Variants in CCDC144A observed in about 807,000 individuals in gnomAD.
The protein encoded by CCDC144A is coiled-coil domain-containing protein 144A.
In CCDC144A, 41 loss-of-function variants were observed where a neutral mutation model predicts 143.8. The observed-to-expected ratio is 0.29, with a 90% CI of 0.22 to 0.37. The LOEUF is 0.37. CCDC144A is among the 10% of genes least tolerant of loss of function. The pLI is 1.00. For missense variants in CCDC144A, 637 were observed against 1,488.8 expected, an observed-to-expected ratio of 0.43 and a Z score of 9.41; for synonymous variants, 242 against 517.9, an observed-to-expected ratio of 0.47 and a Z score of 7.23.
chr17:16,744,232 C>T (rs1011260319), intron 12 of CCDC144A, among the ~76,000 whole-genome samples: 2 of 152,158 alleles, frequency 1.3e-5, no homozygotes, highest in African/African-American at 4.8e-5. Context: ...GGTTGAATGG[C>T]AGTTCTACTT....
intron 2 of CCDC144A, among the ~76,000 whole-genome samples, chr17:16,704,739 G>C (rs1185064860): frequency 6.6e-6 from 1 of 152,018 alleles, no homozygotes; most frequent in Non-Finnish European, 1.5e-5. Flanking sequence ...AGTTTTAAAA[G>C]TATATTTATT....
At chr17:16,688,040 AGT>A (rs1910843786), upstream of CCDC144A, among the ~76,000 whole-genome samples, 1 of 151,604 alleles carries the variant, frequency 6.6e-6, no homozygotes, top group Admixed American at 6.6e-5. Flanking sequence ...TTCATAGGAA[AGT>A]GTATGATAAA....
At chr17:16,688,184 C>T (rs1468201026), upstream of CCDC144A, among the ~76,000 whole-genome samples, 1 of 151,916 alleles carries the variant, frequency 6.6e-6, no homozygotes, top group Non-Finnish European at 1.5e-5. Flanking sequence ...TGCATATATC[C>T]TTGTCAGGTC....
At chr17:16,686,747 A>ACACACAC (rs1910796273), upstream of CCDC144A, among the ~76,000 whole-genome samples, 1 of 140,396 alleles carries the variant, frequency 7.1e-6, no homozygotes, top group Admixed American at 7.1e-5. Flanking sequence ...CACACACACA[A>ACACACAC]ACACACACAC....
chr17:16,763,929 G>A, intron 14 of CCDC144A, 36 bp from the exon 15 acceptor site: 1 of 1,573,176 alleles, frequency 6.4e-7, no homozygotes, highest in Non-Finnish European at 8.6e-7. Flanking sequence ...AGGAAAAAAT[G>A]AAATACTAAG....
At chr17:16,751,435 G>A (rs1914785640) in intron 12 of CCDC144A, among the ~76,000 whole-genome samples, 2 of 152,140 alleles carry the variant, frequency 1.3e-5, no homozygotes, top group Admixed American at 1.3e-4. Flanking sequence ...GTACGGGCTG[G>A]CATGCCTCTT....
At chr17:16,729,492 AT>A (rs1428485094) in intron 9 of CCDC144A, among the ~76,000 whole-genome samples, 1 of 151,988 alleles carries the variant, frequency 6.6e-6, no homozygotes, top group East Asian at 1.9e-4. Context: ...GTTTGCAAAT[AT>A]TTTCTCCTAT....
intron 9 of CCDC144A, among the ~76,000 whole-genome samples, chr17:16,729,991 T>TATATATATATATATACACAC (rs1491438660): frequency 1.6e-4 from 18 of 114,860 alleles, no homozygotes; most frequent in African/African-American, 5.7e-4. Flanking sequence ...TATATATATA[T>TATATATATATATATACACAC]ACACACATAC....
At chr17:16,753,711 T>A (rs867849092) in intron 12 of CCDC144A, among the ~76,000 whole-genome samples, 9 of 152,198 alleles carry the variant, frequency 5.9e-5, no homozygotes, top group African/African-American at 1.9e-4. Flanking sequence ...TCAGGTCATG[T>A]GCACAGGGAG....
the CCDC144A span, among the ~76,000 whole-genome samples, chr17:16,670,220 A>G: frequency 6.6e-6 from 1 of 151,850 alleles, no homozygotes; most frequent in Non-Finnish European, 1.5e-5. Flanking sequence ...TAGTGACAAA[A>G]TCAGTAACTT....
chr17:16,675,139 C>T, the CCDC144A span, among the ~76,000 whole-genome samples: 1 of 151,566 alleles, frequency 6.6e-6, no homozygotes, highest in Non-Finnish European at 1.5e-5. Context: ...TGTGGTGGCA[C>T]GTGCCTGTAA....
At chr17:16,747,011 G>T (rs1914566819) in intron 12 of CCDC144A, among the ~76,000 whole-genome samples, 1 of 151,098 alleles carries the variant, frequency 6.6e-6, no homozygotes, top group East Asian at 1.9e-4. Context: ...GTATTTCTTA[G>T]GTTTTCTTGT....
At chr17:16,720,782 G>A (rs530289340) in intron 8 of CCDC144A, 124 bp downstream of exon 8, 6 of 1,483,642 alleles carry the variant, frequency 4.0e-6, no homozygotes, top group Non-Finnish European at 5.4e-6. Flanking sequence ...TTAAAATAGA[G>A]AACTAACTTA....
chr17:16,726,429 C>T (rs1244738298), intron 8 of CCDC144A, among the ~76,000 whole-genome samples: 1 of 149,414 alleles, frequency 6.7e-6, no homozygotes, highest in Non-Finnish European at 1.5e-5. Flanking sequence ...TCTTCCATGC[C>T]TCTGCCTGTC....
intron 2 of CCDC144A, among the ~76,000 whole-genome samples, chr17:16,699,498 C>T (rs1911604941): frequency 6.0e-5 from 3 of 50,242 alleles, no homozygotes; most frequent in Non-Finnish European, 1.1e-4. Flanking sequence ...GCCTCAGCCT[C>T]CTGAGTAGCT....
chr17:16,768,828 G>A (rs1407570941), intron 15 of CCDC144A, among the ~76,000 whole-genome samples: 1 of 151,078 alleles, frequency 6.6e-6, no homozygotes, highest in Non-Finnish European at 1.5e-5. Context: ...TCTTTAAAGT[G>A]GAGGTAGTTG....
chr17:16,669,145 C>A, the CCDC144A span, among the ~76,000 whole-genome samples: 6 of 152,082 alleles, frequency 3.9e-5, no homozygotes, highest in Non-Finnish European at 8.8e-5. Flanking sequence ...AGTGAAAATG[C>A]TAATAAAGTC....
chr17:16,725,033 TTG>T (rs1555532849), intron 8 of CCDC144A, among the ~76,000 whole-genome samples: 1 of 94,300 alleles, frequency 1.1e-5, no homozygotes, highest in Non-Finnish European at 2.0e-5. Flanking sequence ...TTTTTTTTTT[TTG>T]TGTGAAATCT....
intron 2 of CCDC144A, among the ~76,000 whole-genome samples, chr17:16,697,234 G>GT (rs1435260174): frequency 4.6e-5 from 7 of 152,046 alleles, no homozygotes; most frequent in African/African-American, 1.7e-4. Flanking sequence ...GGGCAATCTG[G>GT]TTATGGTATA....
Sources: allele counts gnomAD v4.1 joint callset (sites outside exome capture counted in the v4.1 genomes callset), GRCh38; gene constraint gnomAD v4.1.1; transcripts MANE v1.5; gene names NCBI Gene and HGNC (gene_info 2026-07-23, HGNC 2026-07-21).